RBM25: variants seen among roughly 807,000 people sequenced by gnomAD.
RBM25 encodes RNA binding motif protein 25.
A neutral mutation model predicts 120.7 loss-of-function variants in RBM25; 19 were observed. The observed-to-expected ratio is 0.16, with a 90% CI of 0.11 to 0.23. The LOEUF is 0.23. RBM25 is among the 10% of genes least tolerant of loss of function. The pLI is 1.00. For synonymous variants in RBM25, 390 were observed against 326.7 expected (o/e 1.19, Z -2.09); for missense variants, 605 against 1,041.5 (o/e 0.58, Z 5.77).
intron 3 of RBM25, 90 bp downstream of exon 3, chr14:73,076,458 T>G (rs1895425404): frequency 1.5e-5 from 18 of 1,166,606 alleles, no homozygotes; most frequent in Non-Finnish European, 2.3e-5. Context: ...AAATTATGAG[T>G]ATTTAAAAGA....
intron 1 of RBM25, among the ~76,000 whole-genome samples, chr14:73,071,301 TCA>T (rs1895285629): frequency 6.6e-6 from 1 of 151,738 alleles, no homozygotes; most frequent in South Asian, 2.1e-4. Flanking sequence ...ATCTGAATTC[TCA>T]GTTTGGTCTA....
At chr14:73,103,942 TCTCTCTCACACACACACACA>T (rs1367109379) in intron 10 of RBM25, among the ~76,000 whole-genome samples, 4 of 43,638 alleles carry the variant, frequency 9.2e-5, no homozygotes, top group African/African-American at 2.3e-4. Flanking sequence ...TCTCTCTCTC[TCTCTCTCACACACACACACA>T]CACACACACA....
At chr14:73,065,031 A>G (rs1374476608) in intron 1 of RBM25, 1 of 150,610 alleles carries the variant, frequency 6.6e-6, no homozygotes, top group African/African-American at 2.4e-5. Context: ...GCTCACTGCA[A>G]CATCTGCCTC....
intron 2 of RBM25, among the ~76,000 whole-genome samples, chr14:73,072,225 G>A (rs1368263273): frequency 2.0e-5 from 3 of 151,786 alleles, no homozygotes; most frequent in Non-Finnish European, 1.5e-5. Context: ...GCCGGCCTCC[G>A]GCTCCCAAAG....
intron 7 of RBM25, among the ~76,000 whole-genome samples, chr14:73,099,034 A>G (rs1472468145): frequency 1.3e-5 from 2 of 152,208 alleles, no homozygotes; most frequent in Admixed American, 1.3e-4. Context: ...GAGAAAAATA[A>G]CATATTTGTT....
intron 14 of RBM25, among the ~76,000 whole-genome samples, 194 bp from the exon 15 acceptor site, chr14:73,110,637 C>T (rs1008394572): frequency 6.6e-6 from 1 of 152,034 alleles, no homozygotes; most frequent in Non-Finnish European, 1.5e-5. Context: ...CCATGTTGGC[C>T]AAGCTGGTCT....
At chr14:73,093,835 C>A (rs983241971) in intron 6 of RBM25, among the ~76,000 whole-genome samples, 1 of 150,904 alleles carries the variant, frequency 6.6e-6, no homozygotes, top group Admixed American at 6.6e-5. Context: ...AAGAAAAAAA[C>A]AGGAAATCAG....
intron 10 of RBM25, among the ~76,000 whole-genome samples, chr14:73,104,587 G>A (rs995282679): frequency 2.6e-5 from 4 of 151,802 alleles, no homozygotes; most frequent in African/African-American, 7.3e-5. Flanking sequence ...AGCTGGTCTC[G>A]AACTCCTGAG....
Position 73,063,832 on chromosome 14 carries a change from C to A in RBM25, c.-16+5127C>A, listed in dbSNP as rs891807384. Among the ~76,000 whole-genome samples the A allele has an allele frequency of 5.9e-5, 9 of 151,382 alleles. 1 individual carries two copies. The highest frequency in any genetic ancestry group is 1.9e-4 in the African/African-American group (8 of 41,316). On this transcript the variant is annotated intron_variant, in intron 1 of 18. Coordinates refer to ENST00000261973, the MANE Select transcript of RBM25 (RefSeq NM_021239.3). ...CTCTTCAAATGATTTTCACCTCATT[C>A]AGAGTTAAAACTAAAATGTTTATTT...
intron 1 of RBM25, among the ~76,000 whole-genome samples, chr14:73,068,944 C>G (rs1895209988): frequency 6.6e-6 from 1 of 152,136 alleles, no homozygotes. Context: ...GACTCTGTCA[C>G]CCAGGCTGGA....
Position 73,120,066 on chromosome 14 carries a change from C to A in RBM25, c.*261C>A. ...ATAAGCCGCAGCTACTGTACACAGC[C>A]TATCTGATATAATCTTGTTCTGCTG... On this transcript the variant is annotated 3_prime_UTR_variant, in exon 19 of 19. Coordinates refer to ENST00000261973, the MANE Select transcript of RBM25 (RefSeq NM_021239.3). The A allele has an allele frequency of 1.7e-5, 5 of 291,926 alleles. No homozygotes were observed. The highest frequency in any genetic ancestry group is 3.1e-5 in the Non-Finnish European group (5 of 158,922). 18.1% of individuals were successfully genotyped at this position (291,926 alleles called of 1,614,324 possible). A position where few individuals can be genotyped will look rare whatever the true frequency, so the allele number is the denominator to read the frequency against.
intron 2 of RBM25, among the ~76,000 whole-genome samples, chr14:73,072,115 G>A (rs1233968921): frequency 6.6e-6 from 1 of 152,024 alleles, no homozygotes; most frequent in Admixed American, 6.6e-5. Flanking sequence ...GGGATTGCAC[G>A]CACCTGCCAC....
intron 6 of RBM25, among the ~76,000 whole-genome samples, 190 bp from the exon 7 acceptor site, chr14:73,096,725 G>T (rs937441787): frequency 1.3e-5 from 2 of 152,082 alleles, no homozygotes; most frequent in Non-Finnish European, 2.9e-5. Flanking sequence ...TGAAAATGAA[G>T]TAGTATCTCA....
chr14:73,091,742 T>G (rs569355672), intron 6 of RBM25, among the ~76,000 whole-genome samples: 20 of 151,842 alleles, frequency 1.3e-4, no homozygotes, highest in African/African-American at 4.8e-4. Context: ...CCGGATGTGG[T>G]GGTGCACACC....
intron 1 of RBM25, among the ~76,000 whole-genome samples, chr14:73,060,166 G>A (rs1049911552): frequency 3.3e-5 from 5 of 150,408 alleles, no homozygotes; most frequent in African/African-American, 1.2e-4. Context: ...AGCCTCCTGA[G>A]TAGCTGGGAC....
chr14:73,082,585 G>C (rs1291057645), intron 4 of RBM25, among the ~76,000 whole-genome samples: 1 of 152,044 alleles, frequency 6.6e-6, no homozygotes, highest in Non-Finnish European at 1.5e-5. Context: ...GCTACACCTC[G>C]CTGCTTTTAT....
chr14:73,083,181 A>G (rs1425346015), intron 4 of RBM25, among the ~76,000 whole-genome samples: 2 of 152,244 alleles, frequency 1.3e-5, no homozygotes, highest in Non-Finnish European at 2.9e-5. Flanking sequence ...TGTTTTAACC[A>G]TTCTAATTTT....
At chr14:73,090,981 T>G (rs1325838454) in intron 6 of RBM25, among the ~76,000 whole-genome samples, 1 of 152,238 alleles carries the variant, frequency 6.6e-6, no homozygotes, top group African/African-American at 2.4e-5. Context: ...ATAAGAATTT[T>G]CAGGTTTGCC....
intron 14 of RBM25, among the ~76,000 whole-genome samples, chr14:73,110,504 C>T (rs1385089357): frequency 1.3e-5 from 2 of 151,630 alleles, no homozygotes; most frequent in African/African-American, 4.9e-5. Context: ...GCAAGGCTCA[C>T]TGCAACCTCC....
Sources: gnomAD v4.1 joint callset for allele counts (sites outside exome capture counted in the v4.1 genomes callset) on GRCh38, gnomAD v4.1.1 for gene constraint, MANE v1.5 for transcripts, NCBI Gene and HGNC (gene_info 2026-07-23, HGNC 2026-07-21) for gene names.